Variants in PFDN5 observed in about 807,000 individuals in gnomAD.
PFDN5 encodes the protein c-myc binding protein.
In PFDN5, 13 loss-of-function variants were observed where a neutral mutation model predicts 21.5. The ratio of observed to expected loss-of-function variants is 0.60; its 90% confidence interval spans 0.39 to 0.96. PFDN5 has a LOEUF of 0.96. PFDN5 is among the 40% of genes least tolerant of loss of function. The pLI is 0.00. For missense variants in PFDN5, 188 were observed against 186.2 expected, an observed-to-expected ratio of 1.01 and a Z score of -0.06; for synonymous variants, 84 against 68.9, an observed-to-expected ratio of 1.22 and a Z score of -1.08.
At chr12:53,298,495 A>G (rs992038301) in intron 5 of PFDN5, 3 of 196,044 alleles carry the variant, frequency 1.5e-5, no homozygotes, top group Admixed American at 5.3e-5. Flanking sequence ...CAGGAAGTTT[A>G]AAAAGAAAGC....
In PFDN5 at chr12:53,295,863, A is replaced by G; in HGVS notation, c.97A>G (p.Ile33Val). The change falls in exon 2 of 6, where the codon ATT (isoleucine) becomes GTT (valine). Residue 33 changes from isoleucine (I) to valine (V), a missense_variant. Transcript: ENST00000334478. ...DQEVEFLSTS[I>V]AQLKVVQTKY... ...GGAAGTGGAGTTCTTGTCCACGTCCATTGCTCAGCTCAAAGTGGTACAGAC... is the reference window on the plus strand; with the variant it reads ...GGAAGTGGAGTTCTTGTCCACGTCCGTTGCTCAGCTCAAAGTGGTACAGAC... The G allele has an allele frequency of 1.9e-6, 3 of 1,608,214 alleles. No individual in the cohort carries two copies. The highest frequency in any genetic ancestry group is 1.1e-5 in the South Asian group (1 of 90,938).
chr12:53,299,166 C>A, intron 5 of PFDN5, 103 bp from the exon 6 acceptor site: 38 of 620,040 alleles, frequency 6.1e-5, no homozygotes, highest in Non-Finnish European at 8.9e-5. Flanking sequence ...TATTAACAAA[C>A]TGTAGTTAGT....
At chr12:53,298,449 C>T in intron 5 of PFDN5, 1 of 276,098 alleles carries the variant, frequency 3.6e-6, no homozygotes, top group Non-Finnish European at 7.2e-6. Flanking sequence ...AACTAAATAC[C>T]AGCAATTATA....
chr12:53,295,732 C>A, intron 1 of PFDN5, 93 bp downstream of exon 1: 2 of 1,331,706 alleles, frequency 1.5e-6, no homozygotes, highest in Non-Finnish European at 2.2e-6. Flanking sequence ...GGCAGCCTAC[C>A]TTTCCCAGGC....
intron 2 of PFDN5, 31 bp from the exon 3 acceptor site, chr12:53,296,213 C>A: frequency 6.2e-7 from 1 of 1,602,860 alleles, no homozygotes; most frequent in Non-Finnish European, 8.5e-7. Flanking sequence ...CGCTAACCTT[C>A]CCCAGGTGTT....
In PFDN5 at chr12:53,295,580, A is replaced by G. The variant is rs373577102; in HGVS notation, c.13A>G (p.Ile5Val). Residue 5 changes from isoleucine to valine, a missense_variant, in exon 1 of 6, where the codon ATT becomes GTT. Transcript: ENST00000334478. ...CGGCCTTCCCAACATGGCGCAGTCT[A>G]TTAACATCACGGAGCTGAATCTGCC... MAQSINITELNLPQL... is the reference protein window; with the variant it reads MAQSVNITELNLPQL... 1.1e-5 allele frequency: 18 copies of G among 1,613,586 alleles called. No homozygotes were observed. Among genetic ancestry groups the G allele is most frequent in the Admixed American group, 6.7e-5 (4 of 59,972 alleles).
intron 2 of PFDN5, 75 bp from the exon 3 acceptor site, chr12:53,296,169 T>C: frequency 7.8e-7 from 1 of 1,283,086 alleles, no homozygotes; most frequent in East Asian, 2.3e-5. Flanking sequence ...TGCTGTGCCC[T>C]GTTGGAACTC....
intron 5 of PFDN5, 35 bp downstream of exon 5, chr12:53,298,185 T>G: frequency 8.0e-7 from 1 of 1,253,330 alleles, no homozygotes; most frequent in Non-Finnish European, 1.2e-6. Context: ...TGACCCTATC[T>G]CCATAATAAG....
intron 5 of PFDN5, chr12:53,298,994 G>C (rs1944191921): frequency 3.5e-6 from 1 of 288,384 alleles, no homozygotes; most frequent in African/African-American, 2.3e-5. Flanking sequence ...AGTTAGCCCG[G>C]GCATGGTGGT....
chr12:53,296,196 T>A (rs371929521), intron 2 of PFDN5, 48 bp from the exon 3 acceptor site: 136 of 1,567,340 alleles, frequency 8.7e-5, no homozygotes, highest in Non-Finnish European at 1.1e-4. Flanking sequence ...ACGTCTTACG[T>A]TGGAGCCGCT....
intron 5 of PFDN5, chr12:53,298,351 C>T (rs1944181563): frequency 1.9e-6 from 1 of 515,208 alleles, no homozygotes; most frequent in South Asian, 2.3e-5. Context: ...GGAAGGAAAT[C>T]ATGTTTGTGC....
At chr12:53,297,678 G>T in intron 3 of PFDN5, 172 bp from the exon 4 acceptor site, 1 of 603,290 alleles carries the variant, frequency 1.7e-6, no homozygotes. Flanking sequence ...CAACTTCTCT[G>T]TCTTCTTTCC....
chr12:53,296,401 A>G lies in PFDN5; in HGVS notation c.207+126A>G, dbSNP rs1473329838. 6 of 638,578 alleles carry G rather than the reference A, an allele frequency of 9.4e-6. No homozygotes were observed. The East Asian group carries it at 1.9e-4, about 20-fold the overall frequency. The allele number at this position is 638,578 out of a possible 1,614,324, so 39.6% of individuals were successfully genotyped here. A position where few individuals can be genotyped will look rare whatever the true frequency, so the allele number is the denominator to read the frequency against. ...CTCTCCTCACAATGATTTTGAGGAT[A>G]CCCTTTTTTTTTTTCTTTCTTTTTT... is the stretch of plus-strand genomic sequence containing the variant. On this transcript the variant is annotated intron_variant, in intron 3 of 5. Transcript: ENST00000334478.
At chr12:53,296,420 CT>C (rs1944151331) in intron 3 of PFDN5, 145 bp downstream of exon 3, 5 of 721,670 alleles carry the variant, frequency 6.9e-6, no homozygotes, top group Non-Finnish European at 1.2e-5. Flanking sequence ...TTTTTTCTTT[CT>C]TTTTTGAGAC....
chr12:53,296,870 C>T (rs149989496), intron 3 of PFDN5: 1,906 of 162,038 alleles, frequency 0.012, 30 homozygotes, highest in South Asian at 0.049. Flanking sequence ...TGGTGGTTTA[C>T]ACTTTGCTAA....
At chr12:53,295,663 C>T in intron 1 of PFDN5, 24 bp downstream of exon 1, 1 of 1,583,030 alleles carries the variant, frequency 6.3e-7, no homozygotes, top group Non-Finnish European at 8.7e-7. Flanking sequence ...CCAGAGGCAC[C>T]TCTTTCCTGC....
rs1565771577 is a variant in PFDN5 at position 53,299,252 on chromosome 12, C to G, written c.389-17C>G. ...TCCTTTTTGCTTCTAACCTTTGACTCTTATTTTTTTCCACAGCCGTCATGG... is the reference window on the plus strand; with the variant it reads ...TCCTTTTTGCTTCTAACCTTTGACTGTTATTTTTTTCCACAGCCGTCATGG... On this transcript the variant is annotated splice_polypyrimidine_tract_variant and intron_variant, in intron 5 of 5. Coordinates refer to ENST00000334478, the MANE Select transcript of PFDN5 (RefSeq NM_002624.4). The G allele has an allele frequency of 6.3e-7, 1 of 1,595,368 alleles. No individual in the cohort carries two copies. The highest frequency in any genetic ancestry group is 2.2e-5 in the East Asian group (1 of 44,686).
intron 1 of PFDN5, 99 bp downstream of exon 1, chr12:53,295,738 C>G: frequency 7.7e-7 from 1 of 1,298,596 alleles, no homozygotes; most frequent in Admixed American, 1.7e-5. Flanking sequence ...CTACCTTTCC[C>G]AGGCGAAACC....
In PFDN5 at chr12:53,297,852, G is replaced by A. The variant is rs750079661; in HGVS notation, c.210G>A (p.Met70Ile). ...TTCCCTTAATTCTTGCTTCTCAGAT[G>A]TATGTCCCTGGGAAGCTGCATGATG... ...KELLVPLTSS[M>I]YVPGKLHDVE... Residue 70 changes from methionine (M) to isoleucine (I), a missense_variant and splice_region_variant, in exon 4 of 6, where the codon ATG becomes ATA. Met to Ile is a conservative substitution (Grantham distance 10, BLOSUM62 1). Coordinates refer to ENST00000334478, the MANE Select transcript of PFDN5 (RefSeq NM_002624.4). 30 of 1,609,296 alleles carry A rather than the reference G, an allele frequency of 1.9e-5. No individual in the cohort carries two copies. In the East Asian group the frequency reaches 4.2e-4, roughly 23 times the overall value.
Sources: gnomAD v4.1 joint callset for allele counts on GRCh38, gnomAD v4.1.1 for gene constraint, MANE v1.5 for transcripts, NCBI Gene and HGNC (gene_info 2026-07-23, HGNC 2026-07-21) for gene names.